Variants in UBE4B observed in about 807,000 individuals in gnomAD.
UBE4B encodes the protein ubiquitin conjugation factor E4 B.
In UBE4B, 27 loss-of-function variants were observed where a neutral mutation model predicts 148.1. The observed-to-expected ratio is 0.18, with a 90% CI of 0.13 to 0.25. The LOEUF (loss-of-function observed/expected upper bound fraction) is 0.25. Ranked by LOEUF, UBE4B falls within the 10% of genes least tolerant of loss-of-function variation. The probability of loss-of-function intolerance (pLI) is 1.00; values close to 1 mark genes in which losing one functional copy is unlikely to be tolerated. For missense variants in UBE4B, 1,170 were observed against 1,662.4 expected (o/e 0.70, Z 5.15); for synonymous variants, 596 against 619.3 (o/e 0.96, Z 0.56).
intron 1 of UBE4B, chr1:10,054,606 T>C: frequency 3.9e-6 from 1 of 259,026 alleles, no homozygotes; most frequent in Admixed American, 4.5e-5. Flanking sequence ...GCGCTTAATG[T>C]GCTCAATATG....
At chr1:10,118,484 C>T (rs1392536494) in intron 8 of UBE4B, among the ~76,000 whole-genome samples, 1 of 150,960 alleles carries the variant, frequency 6.6e-6, no homozygotes, top group African/African-American at 2.4e-5. Context: ...ATTACAGGCA[C>T]CTGCCACCAC....
intron 20 of UBE4B, 54 bp from the exon 21 acceptor site, chr1:10,151,272 G>T: frequency 6.4e-7 from 1 of 1,561,170 alleles, no homozygotes. Flanking sequence ...CCCAAGATGA[G>T]TTTCTCAGCA....
intron 1 of UBE4B, among the ~76,000 whole-genome samples, chr1:10,064,067 C>T (rs779639957): frequency 6.6e-6 from 1 of 152,128 alleles, no homozygotes; most frequent in Non-Finnish European, 1.5e-5. Flanking sequence ...TTGTCTGTGC[C>T]TCACCATGTC....
intron 2 of UBE4B, among the ~76,000 whole-genome samples, chr1:10,082,657 T>TA (rs1491568241): frequency 6.8e-6 from 1 of 146,814 alleles, no homozygotes; most frequent in African/African-American, 2.5e-5. Context: ...TTTTTTTTTT[T>TA]ACTTTAAGTT....
chr1:10,063,162 G>C (rs1644320324), intron 1 of UBE4B, among the ~76,000 whole-genome samples: 1 of 152,160 alleles, frequency 6.6e-6, no homozygotes, highest in African/African-American at 2.4e-5. Context: ...CAGCCACTGG[G>C]GAGGCTGAGG....
chr1:10,054,461 A>G, intron 1 of UBE4B: 1 of 418,768 alleles, frequency 2.4e-6, no homozygotes, highest in East Asian at 5.9e-5. Flanking sequence ...ATTCATAGGT[A>G]ATAGGTTCCA....
At chr1:10,117,705 T>C (rs764299313) in intron 8 of UBE4B, 105 bp downstream of exon 8, 130 of 1,353,334 alleles carry the variant, frequency 9.6e-5, no homozygotes, top group Non-Finnish European at 1.2e-4. Context: ...AAAGCAATTA[T>C]TGAGCATTTG....
chr1:10,079,902 C>A (rs994558538), intron 2 of UBE4B, among the ~76,000 whole-genome samples: 48 of 152,234 alleles, frequency 3.2e-4, no homozygotes, highest in African/African-American at 9.6e-4. Context: ...TAATAAATGG[C>A]TTCTGTCTGT....
intron 17 of UBE4B, among the ~76,000 whole-genome samples, chr1:10,137,409 G>A (rs1249141512): frequency 6.6e-6 from 1 of 152,164 alleles, no homozygotes; most frequent in Admixed American, 6.6e-5. Context: ...CTTGATTTCT[G>A]AGAGTTCTGA....
At chr1:10,041,975 A>G (rs886404127) in intron 1 of UBE4B, among the ~76,000 whole-genome samples, 6 of 151,846 alleles carry the variant, frequency 4.0e-5, no homozygotes, top group Non-Finnish European at 1.5e-5. Context: ...GATTACAGGC[A>G]TGATGCTGGA....
intron 20 of UBE4B, among the ~76,000 whole-genome samples, chr1:10,149,701 T>G (rs1294302748): frequency 6.6e-6 from 1 of 152,224 alleles, no homozygotes; most frequent in East Asian, 1.9e-4. Flanking sequence ...TAACTGGTAT[T>G]GTAGGGTTTT....
At position 10,106,672 on chromosome 1, in the gene UBE4B, ACT is replaced by A. The variant is rs1361275264; in HGVS notation, c.1196+92_1196+93del. 6.9e-7 allele frequency: 1 copy of A among 1,441,538 alleles called. No homozygotes were observed. The highest frequency in any genetic ancestry group is 1.4e-5 in the African/African-American group (1 of 69,774). The allele number at this position is 1,441,538 out of a possible 1,614,324, so 89.3% of individuals were successfully genotyped here. ...TTGGAAGAAGTGCTGTGTGACACTG[ACT>A]CTGTTAAATTGTTGTTTTGGGTTAT... On this transcript the variant is annotated intron_variant, in intron 7 of 27. Coordinates refer to ENST00000343090, the MANE Select transcript of UBE4B (RefSeq NM_001105562.3). This position sits in a 1 kb window ranked among gnomAD's most constrained non-coding sequence, Gnocchi z 4.2.
chr1:10,176,519 T>G (rs1020979862), intron 25 of UBE4B, among the ~76,000 whole-genome samples: 2 of 152,214 alleles, frequency 1.3e-5, no homozygotes, highest in African/African-American at 2.4e-5. Flanking sequence ...TAGTTTATAT[T>G]CTTTCCATCA....
intron 1 of UBE4B, among the ~76,000 whole-genome samples, chr1:10,053,171 C>T (rs963798896): frequency 4.0e-5 from 6 of 151,830 alleles, no homozygotes; most frequent in Non-Finnish European, 7.4e-5. Flanking sequence ...TATTTTGAGT[C>T]GGAGTCTCTC....
chr1:10,177,074 A>G (rs1646439430), intron 25 of UBE4B, among the ~76,000 whole-genome samples: 1 of 150,998 alleles, frequency 6.6e-6, no homozygotes, highest in Non-Finnish European at 1.5e-5. Context: ...GGCGTGAGCC[A>G]CCGCGCCCAA....
At chr1:10,095,024 C>T (rs1391540374) in intron 2 of UBE4B, among the ~76,000 whole-genome samples, 3 of 152,206 alleles carry the variant, frequency 2.0e-5, no homozygotes, top group Admixed American at 2.0e-4. Context: ...GGTGGTCCAC[C>T]TGCCTTGGCC....
chr1:10,162,619 T>TTC (rs1646183017), intron 23 of UBE4B, among the ~76,000 whole-genome samples: 1 of 151,824 alleles, frequency 6.6e-6, no homozygotes, highest in African/African-American at 2.4e-5. Flanking sequence ...TTTTTTTTTT[T>TTC]TTTTTCTTTT....
At chr1:10,066,103 A>ACCTC (rs1396659452) in intron 1 of UBE4B, among the ~76,000 whole-genome samples, 1 of 100,296 alleles carries the variant, frequency 1.0e-5, no homozygotes, top group Admixed American at 1.4e-4. Context: ...CTCCCTTTGT[A>ACCTC]CCTCCCTCCC....
chr1:10,170,443 A>T (rs1264167861), intron 24 of UBE4B, among the ~76,000 whole-genome samples: 1 of 152,230 alleles, frequency 6.6e-6, no homozygotes, highest in Non-Finnish European at 1.5e-5. Context: ...TTTTATGGCC[A>T]GTGTTTAATG....
Sources: gnomAD v4.1 joint callset for allele counts (sites outside exome capture counted in the v4.1 genomes callset) on GRCh38, gnomAD v4.1.1 for gene constraint, Gnocchi (gnomAD v3.1) non-coding constraint, MANE v1.5 for transcripts, NCBI Gene and HGNC (gene_info 2026-07-23, HGNC 2026-07-21) for gene names.